RIMS1: variants seen among roughly 807,000 people sequenced by gnomAD.
RIMS1 encodes regulating synaptic membrane exocytosis 1, also known as regulating synaptic membrane exocytosis protein 1.
Under a neutral mutation model 214.1 loss-of-function variants are expected in RIMS1, and 83 were observed. The ratio of observed to expected loss-of-function variants is 0.39; its 90% confidence interval spans 0.32 to 0.47. The LOEUF (loss-of-function observed/expected upper bound fraction) is 0.47, where lower values mean the gene tolerates loss of function less well. Among genes scored for constraint, RIMS1 ranks in the 20% least tolerant of loss-of-function variants. RIMS1 has a pLI of 0.99. For missense variants in RIMS1, 2,050 were observed against 2,161.8 expected (o/e 0.95, Z 1.03); for synonymous variants, 793 against 786.8 (o/e 1.01, Z -0.13).
At chr6:72,015,655 G>T (rs957492566) in intron 2 of RIMS1, among the ~76,000 whole-genome samples, 2 of 151,908 alleles carry the variant, frequency 1.3e-5, no homozygotes, top group Non-Finnish European at 2.9e-5. Flanking sequence ...GGCCAGGCGC[G>T]GTGGCTCATG....
chr6:72,172,528 T>A (rs761687159), intron 4 of RIMS1, among the ~76,000 whole-genome samples: 6 of 152,160 alleles, frequency 3.9e-5, no homozygotes, highest in Non-Finnish European at 7.4e-5. Context: ...AGCACAGAGA[T>A]GTCATTAACT....
intron 2 of RIMS1, among the ~76,000 whole-genome samples, chr6:72,018,476 A>G (rs1291588089): frequency 1.4e-4 from 22 of 152,160 alleles, no homozygotes. Flanking sequence ...TGCCTATTAG[A>G]CATCATAGAT....
At chr6:71,945,694 A>C (rs1168301844) in intron 1 of RIMS1, among the ~76,000 whole-genome samples, 2 of 152,096 alleles carry the variant, frequency 1.3e-5, no homozygotes, top group African/African-American at 2.4e-5. Flanking sequence ...AAGAAAGAAA[A>C]GGTATCCAAA....
intron 2 of RIMS1, among the ~76,000 whole-genome samples, chr6:71,969,698 A>G (rs1795361115): frequency 6.6e-6 from 1 of 152,130 alleles, no homozygotes. Flanking sequence ...AATCCCAGCT[A>G]CTTGGGAGGC....
intron 4 of RIMS1, among the ~76,000 whole-genome samples, chr6:72,107,759 T>G (rs181532607): frequency 6.6e-6 from 1 of 152,250 alleles, no homozygotes; most frequent in Non-Finnish European, 1.5e-5. Context: ...GTTGGGAAAA[T>G]GCTAATTAAA....
At chr6:71,980,666 A>G (rs927086543) in intron 2 of RIMS1, among the ~76,000 whole-genome samples, 10 of 152,110 alleles carry the variant, frequency 6.6e-5, no homozygotes, top group African/African-American at 2.2e-4. Flanking sequence ...AGGAATATGC[A>G]TGATGGATGA....
At chr6:72,365,204 C>T (rs1336626331) in intron 29 of RIMS1, among the ~76,000 whole-genome samples, 2 of 152,194 alleles carry the variant, frequency 1.3e-5, no homozygotes, top group East Asian at 1.9e-4. Context: ...GCAGTATGTG[C>T]TTGAGGAAGC....
chr6:72,289,313 A>G (rs769727784), intron 24 of RIMS1, among the ~76,000 whole-genome samples: 8 of 152,204 alleles, frequency 5.3e-5, no homozygotes, highest in Non-Finnish European at 1.0e-4. Flanking sequence ...TAAAACTCTC[A>G]TCACTGGAAA....
chr6:72,127,753 T>C (rs2039806523), intron 4 of RIMS1, among the ~76,000 whole-genome samples: 1 of 152,216 alleles, frequency 6.6e-6, no homozygotes. Flanking sequence ...ATCTTCTCCA[T>C]GAAGGTAGTA....
At chr6:72,399,459 T>C (rs1490380600) in intron 33 of RIMS1, among the ~76,000 whole-genome samples, 4 of 152,028 alleles carry the variant, frequency 2.6e-5, no homozygotes, top group Admixed American at 6.6e-5. Flanking sequence ...TAGATACAGA[T>C]ATAGCAAACA....
chr6:72,133,114 G>A (rs74393602), intron 4 of RIMS1, among the ~76,000 whole-genome samples: 1,744 of 152,158 alleles, frequency 0.011, 9 homozygotes, highest in Non-Finnish European at 0.017. Context: ...AAGCAAAAAG[G>A]TAATGTGGAA....
intron 6 of RIMS1, among the ~76,000 whole-genome samples, chr6:72,187,734 C>T (rs368415678): frequency 1.3e-5 from 2 of 152,042 alleles, no homozygotes; most frequent in Admixed American, 6.6e-5. Context: ...CCTCGTGATC[C>T]GCCCACCTCG....
chr6:72,246,445 A>G (rs1272499523), intron 11 of RIMS1, among the ~76,000 whole-genome samples: 3 of 152,196 alleles, frequency 2.0e-5, no homozygotes, highest in Non-Finnish European at 4.4e-5. Context: ...AATATAGACA[A>G]TTAAGTTTTC....
intron 2 of RIMS1, among the ~76,000 whole-genome samples, chr6:71,981,849 C>T (rs1163118109): frequency 2.0e-5 from 3 of 151,926 alleles, no homozygotes; most frequent in Non-Finnish European, 4.4e-5. Flanking sequence ...CAGTGTTCAC[C>T]TCTTGAAGAA....
chr6:72,219,671 G>GT (rs5877320), intron 6 of RIMS1, among the ~76,000 whole-genome samples: 97,166 of 150,260 alleles, frequency 0.65, 31,787 homozygotes, highest in East Asian at 0.96. Flanking sequence ...AGCTTTGAGG[G>GT]TTTTTTTTTG....
intron 2 of RIMS1, among the ~76,000 whole-genome samples, chr6:71,987,000 A>G (rs779520127): frequency 2.0e-5 from 3 of 152,224 alleles, no homozygotes; most frequent in African/African-American, 7.2e-5. Context: ...GGAGAAGAGG[A>G]TAAATGATGG....
Position 72,123,166 on chromosome 6 carries a change from G to A in RIMS1, c.471+23180G>A, listed in dbSNP as rs2038782446. On this transcript the variant is annotated intron_variant, in intron 4 of 33. Coordinates refer to ENST00000521978, the MANE Select transcript of RIMS1 (RefSeq NM_014989.7). ...AAATGTATCCCAGAGATTATGATAT[G>A]TTGTGTCTTTGTTCTCGTTGGTTTC... is the stretch of plus-strand genomic sequence containing the variant. 1.3e-5 allele frequency among the ~76,000 whole-genome samples: 2 copies of A among 151,638 alleles called. 1 individual carries two copies. Among genetic ancestry groups the A allele is most frequent in the Non-Finnish European group, 2.9e-5 (2 of 67,800 alleles).
intron 4 of RIMS1, among the ~76,000 whole-genome samples, chr6:72,130,094 G>A (rs78980671): frequency 0.067 from 10,253 of 151,972 alleles, 416 homozygotes; most frequent in Non-Finnish European, 0.093. Flanking sequence ...CACTTACTCT[G>A]GAAAAATATA....
intron 28 of RIMS1, among the ~76,000 whole-genome samples, chr6:72,318,582 C>A (rs955079910): frequency 6.6e-6 from 1 of 151,964 alleles, no homozygotes; most frequent in African/African-American, 2.4e-5. Context: ...TATATTAAAC[C>A]ATATGTATTC....
Sources: allele counts gnomAD v4.1 joint callset (sites outside exome capture counted in the v4.1 genomes callset), GRCh38; gene constraint gnomAD v4.1.1; transcripts MANE v1.5; gene names NCBI Gene and HGNC (gene_info 2026-07-23, HGNC 2026-07-21).